KHDRBS2: variants seen among roughly 807,000 people sequenced by gnomAD.
KHDRBS2 encodes KH domain-containing, RNA-binding, signal transduction-associated protein 2.
KHDRBS2 carries 26 observed loss-of-function variants against 44.3 expected under a neutral mutation model. The observed-to-expected ratio is 0.59, with a 90% CI of 0.43 to 0.81. The LOEUF is 0.81. Among genes scored for constraint, KHDRBS2 ranks in the 40% least tolerant of loss-of-function variants. The probability of loss-of-function intolerance (pLI) is 0.00; values close to 1 mark genes in which losing one functional copy is unlikely to be tolerated. For synonymous variants in KHDRBS2, 194 were observed against 151.1 expected, an observed-to-expected ratio of 1.28 and a Z score of -2.08; for missense variants, 476 against 433.1, an observed-to-expected ratio of 1.10 and a Z score of -0.88.
chr6:61,650,526 A>G, the KHDRBS2 span, among the ~76,000 whole-genome samples: 11 of 152,220 alleles, frequency 7.2e-5, no homozygotes, highest in South Asian at 4.1e-4. Context: ...AAGCACAGTC[A>G]GATGGGAAAG....
At chr6:62,108,411 C>A (rs1474068767) in intron 2 of KHDRBS2, among the ~76,000 whole-genome samples, 2 of 152,136 alleles carry the variant, frequency 1.3e-5, no homozygotes, top group Admixed American at 1.3e-4. Context: ...CATCTCACAC[C>A]AGTTAGAATG....
At chr6:62,111,325 A>G (rs1191119681) in intron 2 of KHDRBS2, among the ~76,000 whole-genome samples, 3 of 152,146 alleles carry the variant, frequency 2.0e-5, no homozygotes. Context: ...CTACCACTGT[A>G]AAGCCTAAAT....
intron 2 of KHDRBS2, among the ~76,000 whole-genome samples, chr6:62,063,074 A>G (rs2127330086): frequency 1.4e-5 from 2 of 141,930 alleles, no homozygotes; most frequent in East Asian, 4.3e-4. Context: ...CCAAGACTAA[A>G]CCAGGAAGAA....
chr6:61,982,637 C>G (rs370294615), intron 3 of KHDRBS2, among the ~76,000 whole-genome samples: 4 of 150,184 alleles, frequency 2.7e-5, no homozygotes, highest in Admixed American at 2.7e-4. Flanking sequence ...TGCCACTGCA[C>G]TCCAGCCTGG....
the KHDRBS2 span, among the ~76,000 whole-genome samples, chr6:61,598,238 T>C: frequency 1.3e-5 from 2 of 151,514 alleles, no homozygotes; most frequent in African/African-American, 2.4e-5. Flanking sequence ...TACCATACTC[T>C]AGATATAAAC....
At chr6:62,283,201 G>T (rs1842033127) in intron 1 of KHDRBS2, among the ~76,000 whole-genome samples, 1 of 152,004 alleles carries the variant, frequency 6.6e-6, no homozygotes, top group African/African-American at 2.4e-5. Context: ...CATTATTCAA[G>T]AACTCTTCTG....
intron 3 of KHDRBS2, among the ~76,000 whole-genome samples, chr6:61,993,612 G>T (rs1232415700): frequency 3.0e-5 from 4 of 133,824 alleles, no homozygotes; most frequent in East Asian, 2.2e-4. Context: ...TGGACAGGAG[G>T]GCTACAACTG....
intron 2 of KHDRBS2, among the ~76,000 whole-genome samples, chr6:62,066,120 A>T (rs1248613250): frequency 2.0e-5 from 3 of 149,210 alleles, no homozygotes. Flanking sequence ...ACTCAAAAAG[A>T]TTCATTAAAA....
intron 1 of KHDRBS2, among the ~76,000 whole-genome samples, chr6:62,248,465 T>C (rs1174301955): frequency 6.6e-6 from 1 of 151,958 alleles, no homozygotes; most frequent in Non-Finnish European, 1.5e-5. Context: ...TTCAAGCGAT[T>C]CTCCCACCTC....
intron 2 of KHDRBS2, among the ~76,000 whole-genome samples, chr6:62,119,764 C>T (rs1807150376): frequency 6.6e-6 from 1 of 152,196 alleles, no homozygotes; most frequent in South Asian, 2.1e-4. Context: ...CCACCTTTGA[C>T]TGAGGTGATT....
intron 2 of KHDRBS2, among the ~76,000 whole-genome samples, chr6:62,066,042 T>G (rs9294767): frequency 2.0e-5 from 3 of 151,418 alleles, no homozygotes; most frequent in African/African-American, 4.8e-5. Flanking sequence ...CTTAAATGTA[T>G]TCAAAGACAC....
intron 3 of KHDRBS2, among the ~76,000 whole-genome samples, chr6:61,998,704 C>T (rs747824259): frequency 6.1e-4 from 92 of 151,780 alleles, no homozygotes; most frequent in Non-Finnish European, 1.1e-3. Context: ...CAAATTCATG[C>T]CAATAATTAA....
chr6:61,985,089 A>G lies in KHDRBS2; in HGVS notation c.337-6877T>C, dbSNP rs574569009. Among the ~76,000 whole-genome samples, 222 of 152,264 alleles carry G rather than the reference A, an allele frequency of 1.5e-3. 4 individuals carry two copies. In the South Asian group the frequency reaches 0.043, roughly 29 times the overall value. On this transcript the variant is annotated intron_variant, in intron 3 of 8. Transcript: ENST00000281156. ...TACCTTACTGGATAACGGTATGGGC[A>G]GTTGCATAGGTTCTGATTAGGATAT...
chr6:61,649,774 A>G, the KHDRBS2 span, among the ~76,000 whole-genome samples: 2 of 152,128 alleles, frequency 1.3e-5, no homozygotes, highest in Non-Finnish European at 2.9e-5. Flanking sequence ...TACATAACCA[A>G]CACTCAAGGC....
chr6:62,060,856 T>C (rs1330631175), intron 2 of KHDRBS2, among the ~76,000 whole-genome samples: 1 of 151,882 alleles, frequency 6.6e-6, no homozygotes, highest in Non-Finnish European at 1.5e-5. Flanking sequence ...ATTAGATATA[T>C]TGTGTGCTTA....
At chr6:61,550,109 C>T in the KHDRBS2 span, among the ~76,000 whole-genome samples, 3 of 152,076 alleles carry the variant, frequency 2.0e-5, no homozygotes, top group East Asian at 5.8e-4. Context: ...GGGTAAATTG[C>T]ATGTCATTGG....
rs560856720 is a variant in KHDRBS2, at chr6:62,070,397, G to T, written c.220-22403C>A. 2.4e-3 allele frequency among the ~76,000 whole-genome samples: 366 copies of T among 151,070 alleles called. 5 individuals are homozygous for T. The highest frequency in any genetic ancestry group is 2.2e-3 in the Non-Finnish European group (152 of 67,844). On this transcript the variant is annotated intron_variant, in intron 2 of 8. Transcript: ENST00000281156. ...ATACATGTGCACAATGTGCAGGTTT[G>T]TTACATATATATACATGTGCCATGT...
the KHDRBS2 span, among the ~76,000 whole-genome samples, chr6:61,588,211 T>C: frequency 0.62 from 93,527 of 151,892 alleles, 29,012 homozygotes; most frequent in Non-Finnish European, 0.65. Flanking sequence ...GTTCACTTTG[T>C]AAATTTATAA....
chr6:62,129,347 G>A (rs1428219559), intron 2 of KHDRBS2, among the ~76,000 whole-genome samples: 1 of 152,008 alleles, frequency 6.6e-6, no homozygotes, highest in Non-Finnish European at 1.5e-5. Context: ...ATCCATCACA[G>A]GTACAGAGAG....
Sources: allele counts gnomAD v4.1 joint callset (sites outside exome capture counted in the v4.1 genomes callset), GRCh38; gene constraint gnomAD v4.1.1; transcripts MANE v1.5; gene names NCBI Gene and HGNC (gene_info 2026-07-23, HGNC 2026-07-21).